The following RP1 variants were observed in gnomAD, a reference collection of about 807,000 sequenced individuals.
The protein encoded by RP1 is RP1 axonemal microtubule associated, also known as oxygen-regulated protein 1.
RP1 carries 16 observed loss-of-function variants against 14.8 expected under a neutral mutation model. That is an observed-to-expected ratio of 1.08 (90% confidence interval 0.73 to 1.65). The LOEUF (loss-of-function observed/expected upper bound fraction) is 1.65. Ranked by LOEUF, RP1 falls within the 40% of genes most tolerant of loss-of-function variation. RP1 has a pLI of 0.00. For synonymous variants in RP1, 876 were observed against 883.6 expected (o/e 0.99, Z 0.15); for missense variants, 2,631 against 2,535.0 (o/e 1.04, Z -0.81).
intron 24 of RP1, among the ~76,000 whole-genome samples, chr8:54,792,789 A>G (rs1409745031): frequency 1.3e-5 from 2 of 151,928 alleles, no homozygotes; most frequent in Non-Finnish European, 2.9e-5. Context: ...GAATCAGAAA[A>G]ATAGAACAAA....
In RP1 at chr8:54,624,919, C is replaced by A. The variant is rs1167725394; in HGVS notation, c.1037C>A (p.Thr346Asn). The change falls in exon 4 of 4, where the codon ACC becomes AAC. Residue 346 changes from threonine (T) to asparagine (N), a missense_variant. Thr to Asn is a moderately conservative substitution (Grantham distance 65). Coordinates refer to ENST00000220676, the MANE Select transcript of RP1 (RefSeq NM_006269.2). Reference sequence around the variant, plus strand: ...CGATTCAGAATAAAAGAGGAAGAAACCATAAAATGGACAACTACTGTCAGT... The same window carrying A: ...CGATTCAGAATAAAAGAGGAAGAAAACATAAAATGGACAACTACTGTCAGT... The part of the protein sequence containing the change: ...KVRFRIKEEE[T>N]IKWTTTVSKT... The A allele has an allele frequency of 5.0e-6, 8 of 1,613,888 alleles. No individual in the cohort carries two copies. The highest frequency in any genetic ancestry group is 6.8e-6 in the Non-Finnish European group (8 of 1,180,006).
At chr8:54,607,695 G>A (rs1313608850) in intron 1 of RP1, among the ~76,000 whole-genome samples, 3 of 152,178 alleles carry the variant, frequency 2.0e-5, no homozygotes, top group African/African-American at 4.8e-5. Flanking sequence ...GCTTCACCCA[G>A]TTTGAGGTTC....
intron 16 of RP1, among the ~76,000 whole-genome samples, chr8:54,722,136 G>C (rs1414381051): frequency 2.0e-5 from 3 of 151,782 alleles, no homozygotes; most frequent in African/African-American, 4.8e-5. Flanking sequence ...CCAGCTACTG[G>C]GAGAAGAATC....
chr8:54,786,532 A>G (rs1810322146), intron 24 of RP1, among the ~76,000 whole-genome samples: 1 of 152,022 alleles, frequency 6.6e-6, no homozygotes, highest in Admixed American at 6.6e-5. Flanking sequence ...AGGGTGGTAG[A>G]GAGCAGATCA....
Position 54,571,346 on chromosome 8 carries a change from T to C in RP1, c.-13+12026T>C, listed in dbSNP as rs190113444. ...GCTGATCTTCCTGGGAAACTCTGGG[T>C]CCTCCTTGGCAGGGACTGTGTCTTC... is the stretch of plus-strand genomic sequence containing the variant. On this transcript the variant is annotated intron_variant, in intron 1 of 22. Transcript: ENST00000636932. Among the ~76,000 whole-genome samples, 3 of 152,342 alleles carry C rather than the reference T, an allele frequency of 2.0e-5. No individual in the cohort carries two copies. In the East Asian group the frequency reaches 5.8e-4, roughly 29 times the overall value.
intron 25 of RP1, among the ~76,000 whole-genome samples, chr8:54,841,292 A>G (rs1811783773): frequency 6.6e-6 from 1 of 152,214 alleles, no homozygotes; most frequent in Non-Finnish European, 1.5e-5. Context: ...TGACCATGGG[A>G]AAAACACAAG....
chr8:54,666,093 A>G (rs1338539175), intron 7 of RP1, among the ~76,000 whole-genome samples: 1 of 152,092 alleles, frequency 6.6e-6, no homozygotes, highest in African/African-American at 2.4e-5. Context: ...GCTGTAAAAT[A>G]TGGGACATTC....
chr8:54,861,349 C>T (rs919761036), intron 27 of RP1, among the ~76,000 whole-genome samples: 8 of 152,182 alleles, frequency 5.3e-5, no homozygotes, highest in African/African-American at 1.7e-4. Context: ...TACTTGAAAA[C>T]ACTGATAGTT....
At chr8:54,801,056 G>A (rs1200721481) in intron 24 of RP1, among the ~76,000 whole-genome samples, 1 of 152,114 alleles carries the variant, frequency 6.6e-6, no homozygotes, top group Non-Finnish European at 1.5e-5. Context: ...ACCATTACTT[G>A]GGCTGAGTTT....
intron 19 of RP1, among the ~76,000 whole-genome samples, chr8:54,746,951 C>A (rs780015847): frequency 2.0e-5 from 3 of 152,130 alleles, no homozygotes; most frequent in African/African-American, 4.8e-5. Flanking sequence ...CAGTGTCTAC[C>A]TAGTTATATA....
chr8:54,600,018 G>A (rs1464695595), intron 1 of RP1, among the ~76,000 whole-genome samples: 1 of 152,012 alleles, frequency 6.6e-6, no homozygotes, highest in Admixed American at 6.6e-5. Context: ...ATTACTACTG[G>A]GCAGGGATGG....
upstream of RP1, among the ~76,000 whole-genome samples, chr8:54,613,314 A>C (rs1805640294): frequency 1.3e-5 from 2 of 152,174 alleles, no homozygotes; most frequent in Non-Finnish European, 2.9e-5. Flanking sequence ...ATGCTTCCTG[A>C]TATAGTCTGA....
At position 54,647,900 on chromosome 8, in the gene RP1, T is replaced by C. The variant is rs565662784; in HGVS notation, c.788-1085T>C. Among the ~76,000 whole-genome samples the C allele has an allele frequency of 3.2e-4, 48 of 152,240 alleles. No individual in the cohort carries two copies. The South Asian group carries it at 6.4e-3, about 20-fold the overall frequency. ...AGCTTTCTGATTGACATGGTTTGGC[T>C]CTGTGTCCTTACCCAAATCTCATCT... On this transcript the variant is annotated intron_variant, in intron 3 of 22. Coordinates refer to the RP1 transcript ENST00000636932.
At chr8:54,795,486 T>G (rs554114711) in intron 24 of RP1, among the ~76,000 whole-genome samples, 45 of 152,258 alleles carry the variant, frequency 3.0e-4, no homozygotes, top group Middle Eastern at 3.4e-3. Context: ...AAAAATATTA[T>G]TGGCTTCAGA....
At chr8:54,853,011 T>C (rs1056609031) in intron 26 of RP1, among the ~76,000 whole-genome samples, 1 of 152,244 alleles carries the variant, frequency 6.6e-6, no homozygotes, top group African/African-American at 2.4e-5. Flanking sequence ...ATAAAACATC[T>C]TTTAAACTGG....
chr8:54,722,574 G>A (rs1188416941), intron 16 of RP1, among the ~76,000 whole-genome samples: 1 of 152,106 alleles, frequency 6.6e-6, no homozygotes, highest in African/African-American at 2.4e-5. Context: ...GATAGATTGA[G>A]CCTACACTAT....
chr8:54,761,071 C>G (rs1446706035), intron 22 of RP1, among the ~76,000 whole-genome samples: 1 of 152,040 alleles, frequency 6.6e-6, no homozygotes, highest in Non-Finnish European at 1.5e-5. Context: ...GTGCTTCATC[C>G]AGGACTTTCA....
chr8:54,720,103 A>C, intron 15 of RP1: 1 of 1,455,098 alleles, frequency 6.9e-7, no homozygotes, highest in Admixed American at 2.6e-5. Flanking sequence ...GCTCACATTT[A>C]TTGAATCATT....
chr8:54,619,228 C>T (rs192532415), intron 1 of RP1, among the ~76,000 whole-genome samples: 10 of 152,234 alleles, frequency 6.6e-5, no homozygotes, highest in Admixed American at 5.2e-4. Flanking sequence ...CTAGGCTGAT[C>T]TTCAAATGTT....
Sources: allele counts gnomAD v4.1 joint callset (sites outside exome capture counted in the v4.1 genomes callset), GRCh38; gene constraint gnomAD v4.1.1; transcripts MANE v1.5; gene names NCBI Gene and HGNC (gene_info 2026-07-23, HGNC 2026-07-21).